The following OPRM1 variants were observed in gnomAD, a reference collection of about 807,000 sequenced individuals.
OPRM1 encodes the protein mu-type opioid receptor.
In OPRM1, 27 loss-of-function variants were observed where a neutral mutation model predicts 31.8. The observed-to-expected ratio is 0.85, with a 90% CI of 0.63 to 1.17. The LOEUF is 1.17. OPRM1 is among the 50% of genes most tolerant of loss of function. The probability of loss-of-function intolerance (pLI) is 0.00; values close to 1 mark genes in which losing one functional copy is unlikely to be tolerated. For missense variants in OPRM1, 536 were observed against 511.1 expected (o/e 1.05, Z -0.47); for synonymous variants, 196 against 189.9 (o/e 1.03, Z -0.26).
intron 3 of OPRM1, among the ~76,000 whole-genome samples, chr6:154,142,308 C>G (rs867033311): frequency 1.9e-5 from 1 of 51,978 alleles, no homozygotes; most frequent in Non-Finnish European, 4.5e-5. Flanking sequence ...ATAATAACAC[C>G]TGAAATTGGT....
intron 1 of OPRM1, among the ~76,000 whole-genome samples, chr6:154,084,515 T>A (rs745606904): frequency 1.3e-5 from 2 of 152,096 alleles, no homozygotes; most frequent in Non-Finnish European, 2.9e-5. Flanking sequence ...AGGTAGATAC[T>A]CATTTGACCA....
intron 3 of OPRM1, among the ~76,000 whole-genome samples, chr6:154,241,799 G>A (rs1028279873): frequency 6.6e-6 from 1 of 152,022 alleles, no homozygotes; most frequent in Non-Finnish European, 1.5e-5. Flanking sequence ...CTCACCTTCC[G>A]GCTCAAGAAT....
chr6:154,242,862 T>C (rs181920053), intron 3 of OPRM1, among the ~76,000 whole-genome samples: 1 of 149,206 alleles, frequency 6.7e-6, no homozygotes, highest in East Asian at 2.0e-4. Flanking sequence ...TACTCCAGCC[T>C]GGGCCATAGA....
intron 1 of OPRM1, among the ~76,000 whole-genome samples, chr6:154,050,753 A>G (rs952486147): frequency 1.8e-4 from 28 of 152,322 alleles, no homozygotes; most frequent in African/African-American, 6.0e-4. Context: ...TTAAAATAAC[A>G]TAAAGAATGT....
At chr6:154,029,747 G>A (rs1256957323) in intron 1 of OPRM1, among the ~76,000 whole-genome samples, 1 of 152,088 alleles carries the variant, frequency 6.6e-6, no homozygotes, top group Non-Finnish European at 1.5e-5. Context: ...TGAATCCTAG[G>A]GGCAGTTACC....
Position 154,121,856 on chromosome 6 carries a change from TA to T in OPRM1, c.*3140del, listed in dbSNP as rs748123032. Among the ~76,000 whole-genome samples the T allele has an allele frequency of 6.6e-6, 1 of 152,196 alleles. No individual in the cohort carries two copies. Among genetic ancestry groups the T allele is most frequent in the Admixed American group, 6.5e-5 (1 of 15,272 alleles). ...CAAGTCTATTTATACGTTTAAAAGC[TA>T]AAAACAAGATCTTTTTGGTAATGCT... On this transcript the variant is annotated 3_prime_UTR_variant, in exon 4 of 4. Transcript: ENST00000330432.
At chr6:154,044,530 T>A (rs935481327) in intron 1 of OPRM1, among the ~76,000 whole-genome samples, 17 of 152,224 alleles carry the variant, frequency 1.1e-4, no homozygotes, top group South Asian at 2.1e-4. Context: ...TATTTTTTTT[T>A]AAATGTGTTA....
chr6:154,149,812 C>A lies in OPRM1; in HGVS notation c.1164+58340C>A, dbSNP rs150464183. 1.9e-3 allele frequency among the ~76,000 whole-genome samples: 288 copies of A among 152,200 alleles called. 1 individual carries two copies. In the Middle Eastern group the frequency reaches 0.027, roughly 14 times the overall value. ...TGCCTACTACAGTAGTTCTGAATAC[C>A]TTGCTTATGACTATACAGTGCTGCC... is the stretch of plus-strand genomic sequence containing the variant. On this transcript the variant is annotated intron_variant, in intron 3 of 3. Transcript: ENST00000337049.
chr6:154,211,853 T>A (rs1334381914), intron 3 of OPRM1, among the ~76,000 whole-genome samples: 1 of 152,018 alleles, frequency 6.6e-6, no homozygotes, highest in Non-Finnish European at 1.5e-5. Flanking sequence ...CATAGAATAA[T>A]AAATTAAGAA....
intron 3 of OPRM1, among the ~76,000 whole-genome samples, chr6:154,202,031 C>T (rs1219020884): frequency 6.6e-6 from 1 of 152,222 alleles, no homozygotes; most frequent in Non-Finnish European, 1.5e-5. Flanking sequence ...TGACCTTCTT[C>T]CAAATCAATA....
chr6:154,224,395 A>G (rs1326826616), intron 3 of OPRM1, among the ~76,000 whole-genome samples: 1 of 152,152 alleles, frequency 6.6e-6, no homozygotes, highest in Non-Finnish European at 1.5e-5. Context: ...TTCACCTGAA[A>G]TGCCTTCCTC....
chr6:154,200,700 G>A (rs1157358080), intron 3 of OPRM1, among the ~76,000 whole-genome samples: 6 of 152,292 alleles, frequency 3.9e-5, no homozygotes, highest in Non-Finnish European at 2.9e-5. Context: ...CAGTCTGGGT[G>A]ACAGAGTGAG....
chr6:154,026,057 T>C (rs552631866), intron 1 of OPRM1, among the ~76,000 whole-genome samples: 4 of 152,272 alleles, frequency 2.6e-5, no homozygotes, highest in African/African-American at 9.6e-5. Flanking sequence ...AGATGATTTC[T>C]TTTTGTTCAT....
chr6:154,182,278 G>A (rs1800951511), intron 3 of OPRM1, among the ~76,000 whole-genome samples: 1 of 152,056 alleles, frequency 6.6e-6, no homozygotes, highest in Admixed American at 6.5e-5. Flanking sequence ...TGTGTTTGAT[G>A]TTTCTGTTAA....
In OPRM1 at chr6:154,131,919, G is replaced by A. The variant is rs145471242; in HGVS notation, c.*13198G>A. On this transcript the variant is annotated 3_prime_UTR_variant, in exon 4 of 4. Transcript: ENST00000330432. ...AACATTGTTTTCCTTTTGATGGTCT[G>A]GGAGTTTTTCTATAAGTTTTTGGTT... Among the ~76,000 whole-genome samples, 6 of 147,940 alleles carry A rather than the reference G, an allele frequency of 4.1e-5. No homozygotes were observed. In the East Asian group the frequency reaches 1.2e-3, roughly 30 times the overall value.
intron 3 of OPRM1, among the ~76,000 whole-genome samples, chr6:154,192,318 C>CTGTGTGTTTGTGTGTGTG (rs374502866): frequency 8.8e-5 from 13 of 148,028 alleles, no homozygotes; most frequent in African/African-American, 2.8e-4. Context: ...CACGTGGTTA[C>CTGTGTGTTTGTGTGTGTG]TGTGTGTGTG....
In OPRM1 at chr6:154,052,160, C is replaced by T. The variant is rs549000433; in HGVS notation, c.290+12326C>T. Among the ~76,000 whole-genome samples, 72 of 152,110 alleles carry T rather than the reference C, an allele frequency of 4.7e-4. No individual in the cohort carries two copies. In the South Asian group the frequency reaches 0.014, roughly 30 times the overall value. ...CGTGGACACAGGGAGAGGAACAGCA[C>T]ACACTGGGCCCTGTCGGGGGTTGGG... On this transcript the variant is annotated intron_variant, in intron 1 of 3. Coordinates refer to ENST00000330432, the MANE Select transcript of OPRM1 (RefSeq NM_000914.5).
At chr6:154,241,985 T>G (rs769425707) in intron 3 of OPRM1, among the ~76,000 whole-genome samples, 28 of 152,222 alleles carry the variant, frequency 1.8e-4, no homozygotes, top group Non-Finnish European at 3.8e-4. Context: ...CCAGTTCTGC[T>G]ATTTACTCCT....
At chr6:154,107,367 T>C (rs1474857473) in intron 3 of OPRM1, 1 of 664,760 alleles carries the variant, frequency 1.5e-6, no homozygotes, top group East Asian at 2.7e-5. Flanking sequence ...GGCAACCTCC[T>C]TGGTGCTTAG....
Sources: gnomAD v4.1 joint callset for allele counts (sites outside exome capture counted in the v4.1 genomes callset) on GRCh38, gnomAD v4.1.1 for gene constraint, MANE v1.5 for transcripts, NCBI Gene and HGNC (gene_info 2026-07-23, HGNC 2026-07-21) for gene names.